ZNF215: variants seen among roughly 807,000 people sequenced by gnomAD.
ZNF215 encodes the protein BWSCR2-associated zinc finger protein 2.
ZNF215 carries 24 observed loss-of-function variants against 27.2 expected under a neutral mutation model. That is an observed-to-expected ratio of 0.88 (90% CI 0.64 to 1.24). The LOEUF (loss-of-function observed/expected upper bound fraction) is 1.24. Among genes scored for constraint, ZNF215 ranks in the 50% most tolerant of loss-of-function variants. The pLI is 0.00. For synonymous variants in ZNF215, 210 were observed against 204.0 expected (o/e 1.03, Z -0.25); for missense variants, 675 against 605.7 (o/e 1.11, Z -1.20).
intron 5 of ZNF215, among the ~76,000 whole-genome samples, chr11:6,978,995 GCTCA>G (rs1190311343): frequency 1.3e-5 from 2 of 151,902 alleles, no homozygotes; most frequent in African/African-American, 4.8e-5. Flanking sequence ...CAGCACTTCT[GCTCA>G]CTATTATAAT....
At chr11:6,944,051 G>A (rs1357390947) in intron 6 of ZNF215, among the ~76,000 whole-genome samples, 5 of 152,228 alleles carry the variant, frequency 3.3e-5, no homozygotes, top group South Asian at 2.1e-4. Flanking sequence ...GGAGGCGGGC[G>A]GATCACAAGG....
chr11:6,993,823 C>G (rs1851146376), downstream of ZNF215, among the ~76,000 whole-genome samples: 1 of 152,178 alleles, frequency 6.6e-6, no homozygotes, highest in Non-Finnish European at 1.5e-5. Flanking sequence ...GTAGCACTTT[C>G]CCCAGTCATT....
In ZNF215 at chr11:6,956,809, C is replaced by T; in HGVS notation, c.*278C>T. 1 of 1,169,418 alleles carries T rather than the reference C, an allele frequency of 8.6e-7. No homozygotes were observed. The highest frequency in any genetic ancestry group is 1.1e-6 in the Non-Finnish European group (1 of 947,346). 72.4% of individuals were successfully genotyped at this position (1,169,418 alleles called of 1,614,324 possible). A position where few individuals can be genotyped will look rare whatever the true frequency, so the allele number is the denominator to read the frequency against. On this transcript the variant is annotated 3_prime_UTR_variant, in exon 7 of 7. Coordinates refer to ENST00000278319, the MANE Select transcript of ZNF215 (RefSeq NM_013250.4). The stretch of plus-strand genomic sequence containing the variant: ...TTTATCATTATTTTGATATCCATTA[C>T]CCTCACCTCTCCCTAGTTCATAAAT...
At chr11:6,960,898 C>T (rs1462112229), downstream of ZNF215, among the ~76,000 whole-genome samples, 1 of 152,060 alleles carries the variant, frequency 6.6e-6, no homozygotes, top group Non-Finnish European at 1.5e-5. Flanking sequence ...ATTCTATCAC[C>T]CTGGACCTTT....
intron 5 of ZNF215, among the ~76,000 whole-genome samples, chr11:6,963,623 T>C (rs1850560706): frequency 6.6e-6 from 1 of 152,104 alleles, no homozygotes; most frequent in Admixed American, 6.6e-5. Flanking sequence ...TGTTAAGATA[T>C]GTTTTCATTT....
At chr11:6,979,801 G>A (rs1850910587) in intron 5 of ZNF215, among the ~76,000 whole-genome samples, 3 of 152,062 alleles carry the variant, frequency 2.0e-5, no homozygotes, top group Admixed American at 1.3e-4. Context: ...TATTGACTAA[G>A]AAAATAATTT....
chr11:6,961,380 C>A (rs1346053388), downstream of ZNF215, among the ~76,000 whole-genome samples: 2 of 151,948 alleles, frequency 1.3e-5, no homozygotes, highest in Non-Finnish European at 2.9e-5. Context: ...AAGGTGTAGT[C>A]AAGAATATGC....
chr11:6,976,430 C>G (rs1337726503), intron 5 of ZNF215, among the ~76,000 whole-genome samples: 2 of 151,962 alleles, frequency 1.3e-5, no homozygotes, highest in Non-Finnish European at 2.9e-5. Context: ...ATCCAGAGAA[C>G]TGGCAGTGTT....
Position 6,956,704 on chromosome 11 carries a change from G to A in ZNF215, c.*173G>A, listed in dbSNP as rs1850375063. On this transcript the variant is annotated 3_prime_UTR_variant, in exon 7 of 7. Transcript: ENST00000278319. ...TAGAAATATCATTGGATAGAAATCT[G>A]TTTGAAGGAATTTTCCTGGTTTTCA... The A allele has an allele frequency of 7.2e-7, 1 of 1,383,576 alleles. No individual in the cohort carries two copies. The highest frequency in any genetic ancestry group is 9.3e-7 in the Non-Finnish European group (1 of 1,076,468). The allele number at this position is 1,383,576 out of a possible 1,614,324, so 85.7% of individuals were successfully genotyped here.
At position 6,956,098 on chromosome 11, in the gene ZNF215, C is replaced by G. The variant is rs2133299218; in HGVS notation, c.1121C>G (p.Thr374Ser). The change falls in exon 7 of 7, where the codon ACT becomes AGT. Residue 374 changes from threonine to serine, a missense_variant. Transcript: ENST00000278319. ...GATATTCGACACCAAAAAAGTCATA[C>G]TACAATGAATTCCTATGAATGTTAT... ...STDIRHQKSH[T>S]TMNSYECYQC... 11 of 1,613,276 alleles carry G rather than the reference C, an allele frequency of 6.8e-6. No homozygotes were observed. Among genetic ancestry groups the G allele is most frequent in the Non-Finnish European group, 8.5e-6 (10 of 1,179,850 alleles).
intron 5 of ZNF215, among the ~76,000 whole-genome samples, chr11:6,982,622 T>C (rs1381434922): frequency 2.0e-5 from 3 of 151,928 alleles, no homozygotes; most frequent in African/African-American, 7.3e-5. Flanking sequence ...ACCACTCAAC[T>C]ACATGGAAAC....
intron 6 of ZNF215, among the ~76,000 whole-genome samples, chr11:6,950,133 T>C (rs985590912): frequency 5.3e-5 from 8 of 151,428 alleles, no homozygotes; most frequent in African/African-American, 1.9e-4. Flanking sequence ...TTGGTTACTG[T>C]AGCCTTGTAG....
Position 6,932,253 on chromosome 11 carries a change from TG to T in ZNF215, c.-17del, listed in dbSNP as rs961660951. On this transcript the variant is annotated 5_prime_UTR_variant, in exon 3 of 7. Coordinates refer to ENST00000278319, the MANE Select transcript of ZNF215 (RefSeq NM_013250.4). ...CTAGTAAGGCGGATTTGAACTACTGTGGGAGTTCTATTTAGGAAGATGCAGC... is the reference window on the plus strand; with the variant it reads ...CTAGTAAGGCGGATTTGAACTACTGTGGAGTTCTATTTAGGAAGATGCAGC... The T allele has an allele frequency of 1.9e-6, 3 of 1,607,502 alleles. No homozygotes were observed. In the Admixed American group the frequency reaches 5.1e-5, roughly 27 times the overall value.
Position 6,971,025 on chromosome 11 carries a change from C to A in ZNF215, c.806-13104C>A, listed in dbSNP as rs115437107. Among the ~76,000 whole-genome samples the A allele has an allele frequency of 8.8e-3, 1,335 of 151,776 alleles. 20 individuals are homozygous for A. The highest frequency in any genetic ancestry group is 0.031 in the African/African-American group (1,280 of 41,386). ...GGTGTTGCAGATGACAGAGTGCAGA[C>A]ATCCAGAGTAACCTAAAGGGTCATG... On this transcript the variant is annotated intron_variant, in intron 5 of 5. Coordinates refer to the ZNF215 transcript ENST00000529903.
intron 4 of ZNF215, 98 bp downstream of exon 4, chr11:6,941,751 C>A: frequency 7.9e-7 from 1 of 1,262,598 alleles, no homozygotes; most frequent in South Asian, 1.3e-5. Context: ...AAACATGGTT[C>A]CATCCAAGAA....
chr11:6,937,910 A>G (rs2133191267), intron 3 of ZNF215, among the ~76,000 whole-genome samples: 1 of 152,108 alleles, frequency 6.6e-6, no homozygotes, highest in Middle Eastern at 3.4e-3. Flanking sequence ...AAGAAAATAT[A>G]GAAATAACTC....
At chr11:6,960,210 T>C (rs1850487138), downstream of ZNF215, among the ~76,000 whole-genome samples, 1 of 152,148 alleles carries the variant, frequency 6.6e-6, no homozygotes, top group African/African-American at 2.4e-5. Flanking sequence ...CACATGCCAC[T>C]ATGGGAATGC....
At chr11:6,949,776 C>G (rs1018897476) in intron 6 of ZNF215, among the ~76,000 whole-genome samples, 1 of 152,124 alleles carries the variant, frequency 6.6e-6, no homozygotes, top group Non-Finnish European at 1.5e-5. Flanking sequence ...GTTTCCATTG[C>G]TTTTGGTGTT....
Position 6,932,616 on chromosome 11 carries a change from A to G in ZNF215, c.344A>G (p.Asn115Ser), listed in dbSNP as rs761961443. Residue 115 changes from asparagine (N) to serine (S), a missense_variant, in exon 3 of 7, where the codon AAC becomes AGC. Transcript: ENST00000278319. Reference sequence around the variant, plus strand: ...TGGGTGAATTTACAACATCCAAACAACAGTAAAGATATGGTGACCCTCATA... The same window carrying G: ...TGGGTGAATTTACAACATCCAAACAGCAGTAAAGATATGGTGACCCTCATA... ...RTWVNLQHPN[N>S]SKDMVTLIED... 3.1e-6 allele frequency: 5 copies of G among 1,614,056 alleles called. No homozygotes were observed. In the East Asian group the frequency reaches 8.9e-5, roughly 29 times the overall value.
Sources: gnomAD v4.1 joint callset for allele counts (sites outside exome capture counted in the v4.1 genomes callset) on GRCh38, gnomAD v4.1.1 for gene constraint, MANE v1.5 for transcripts, NCBI Gene and HGNC (gene_info 2026-07-23, HGNC 2026-07-21) for gene names.